The following SLC15A1 variants were observed in gnomAD, a reference collection of about 807,000 sequenced individuals.
SLC15A1 encodes solute carrier family 15 member 1.
SLC15A1 carries 83 observed loss-of-function variants against 92.9 expected under a neutral mutation model. That is an observed-to-expected ratio of 0.89 (90% confidence interval 0.75 to 1.07). SLC15A1 has a LOEUF of 1.07. Among genes scored for constraint, SLC15A1 ranks in the 50% least tolerant of loss-of-function variants. The pLI is 0.00. For missense variants in SLC15A1, 857 were observed against 880.1 expected (o/e 0.97, Z 0.33); for synonymous variants, 322 against 318.2 (o/e 1.01, Z -0.13).
intron 18 of SLC15A1, among the ~76,000 whole-genome samples, chr13:98,699,670 C>T (rs1302873995): frequency 6.6e-6 from 1 of 152,098 alleles, no homozygotes; most frequent in African/African-American, 2.4e-5. Context: ...TGAGTGTTTA[C>T]CTGTATAAGA....
intron 1 of SLC15A1, among the ~76,000 whole-genome samples, chr13:98,742,842 C>T (rs2088460084): frequency 6.6e-6 from 1 of 152,360 alleles, no homozygotes; most frequent in East Asian, 1.9e-4. Flanking sequence ...GTGGCACGAT[C>T]ATAGCTCACT....
intron 1 of SLC15A1, among the ~76,000 whole-genome samples, chr13:98,747,697 G>A (rs1295040836): frequency 2.0e-5 from 3 of 152,192 alleles, no homozygotes; most frequent in African/African-American, 4.8e-5. Flanking sequence ...CCTGGCCAAC[G>A]TGGTGAAACC....
intron 18 of SLC15A1, among the ~76,000 whole-genome samples, chr13:98,696,552 C>T (rs936496150): frequency 6.6e-5 from 10 of 152,292 alleles, no homozygotes; most frequent in African/African-American, 2.2e-4. Context: ...AGTAAAGCAA[C>T]GGAAACCACA....
chr13:98,710,050 A>G (rs1316014519), intron 11 of SLC15A1, 139 bp from the exon 12 acceptor site: 9 of 780,674 alleles, frequency 1.2e-5, no homozygotes, highest in Non-Finnish European at 1.9e-5. Flanking sequence ...CATCAAGTTA[A>G]TCTCCCAGCT....
intron 1 of SLC15A1, among the ~76,000 whole-genome samples, chr13:98,729,667 G>A (rs1336714300): frequency 6.6e-6 from 1 of 152,146 alleles, no homozygotes; most frequent in African/African-American, 2.4e-5. Context: ...TCCCTCTGGG[G>A]CCCTTCCTTG....
chr13:98,693,104 T>TTG (rs1566443570), intron 18 of SLC15A1, among the ~76,000 whole-genome samples: 2 of 139,722 alleles, frequency 1.4e-5, no homozygotes, highest in African/African-American at 5.6e-5. Context: ...TTTTTTTTTT[T>TTG]TTTTTTTTTT....
In SLC15A1 at chr13:98,687,606, G is replaced by A. The variant is rs140606428; in HGVS notation, c.1802C>T (p.Thr601Met). 5.3e-5 allele frequency: 85 copies of A among 1,614,092 alleles called. No homozygotes were observed. The highest frequency in any genetic ancestry group is 2.5e-4 in the African/African-American group (19 of 75,036). Residue 601 changes from threonine (T) to methionine (M), a missense_variant, in exon 21 of 23, where the codon ACG (threonine) becomes ATG (methionine). Thr to Met is a moderately conservative substitution (Grantham distance 81, BLOSUM62 -1). Transcript: ENST00000376503. ...LTCGEVVFSVTGLEFSYSQAP... is the reference protein window; with the variant it reads ...LTCGEVVFSVMGLEFSYSQAP... The stretch of plus-strand genomic sequence containing the variant: ...CTGAGAATATGAGAATTCCAATCCC[G>A]TGACAGAGAAGACCACTTCGCCACA...
intron 1 of SLC15A1, among the ~76,000 whole-genome samples, chr13:98,750,756 T>A (rs896101780): frequency 4.5e-5 from 6 of 133,162 alleles, no homozygotes; most frequent in African/African-American, 1.8e-4. Flanking sequence ...GATCTGTTCT[T>A]TTTTTTTTTT....
At chr13:98,700,440 A>G (rs1934064) in intron 18 of SLC15A1, among the ~76,000 whole-genome samples, 101,975 of 143,578 alleles carry the variant, frequency 0.71, 36,979 homozygotes, top group African/African-American at 0.87. Context: ...AGCTGTGACT[A>G]CACCACTGCA....
At chr13:98,746,048 G>A (rs2088490389) in intron 1 of SLC15A1, among the ~76,000 whole-genome samples, 1 of 151,944 alleles carries the variant, frequency 6.6e-6, no homozygotes, top group Non-Finnish European at 1.5e-5. Context: ...CCTCAAGTAG[G>A]CCCCAGTATG....
chr13:98,708,750 G>A lies in SLC15A1; in HGVS notation c.1085C>T (p.Ala362Val), dbSNP rs763676037. The A allele has an allele frequency of 3.7e-6, 6 of 1,611,426 alleles. No homozygotes were observed. The East Asian group carries it at 1.3e-4, about 36-fold the overall frequency. Residue 362 changes from alanine to valine, a missense_variant, in exon 15 of 23, where the codon GCA becomes GTA. Ala to Val is a moderately conservative substitution (Grantham distance 64). Coordinates refer to ENST00000376503, the MANE Select transcript of SLC15A1 (RefSeq NM_005073.4). ...CATGGAGGCCAGGACCATGCCAACT[G>A]CCATCTTCTTCAAGGAGCTGATGGC... Reference protein sequence around the residue: ...GFNFTSLKKMAVGMVLASMAF... With the variant: ...GFNFTSLKKMVVGMVLASMAF...
At position 98,684,660 on chromosome 13, in the gene SLC15A1, C is replaced by T. The variant is rs2087916113; in HGVS notation, c.*64G>A. ...AGGGGCCATCCAATGGAGTGTCCTG[C>T]TACCTGGGGGCAGAGGTCAGGGCAT... On this transcript the variant is annotated 3_prime_UTR_variant, in exon 23 of 23. Transcript: ENST00000376503. 1 of 1,389,094 alleles carries T rather than the reference C, an allele frequency of 7.2e-7. No individual in the cohort carries two copies. Among genetic ancestry groups the T allele is most frequent in the Non-Finnish European group, 1.0e-6 (1 of 988,098 alleles). 86.0% of individuals were successfully genotyped at this position (1,389,094 alleles called of 1,614,324 possible).
intron 16 of SLC15A1, among the ~76,000 whole-genome samples, chr13:98,705,492 C>T (rs1427639799): frequency 6.6e-6 from 1 of 152,174 alleles, no homozygotes; most frequent in African/African-American, 2.4e-5. Context: ...CCCCTAGCAT[C>T]AAAATCTCCC....
At chr13:98,724,489 G>A (rs1221930804) in intron 4 of SLC15A1, among the ~76,000 whole-genome samples, 1 of 152,156 alleles carries the variant, frequency 6.6e-6, no homozygotes, top group Non-Finnish European at 1.5e-5. Context: ...GAGTGACAGA[G>A]CGAGACCCTG....
chr13:98,696,338 C>CA (rs4646229), intron 18 of SLC15A1, among the ~76,000 whole-genome samples: 107,285 of 151,456 alleles, frequency 0.71, 38,873 homozygotes, highest in African/African-American at 0.85. Context: ...TGCTTGAACC[C>CA]GGGGGCGGAG....
At chr13:98,689,995 T>A (rs1329738140) in intron 18 of SLC15A1, among the ~76,000 whole-genome samples, 1 of 152,184 alleles carries the variant, frequency 6.6e-6, no homozygotes, top group Non-Finnish European at 1.5e-5. Context: ...ACAGACCCCT[T>A]TCATAGCTGT....
intron 1 of SLC15A1, among the ~76,000 whole-genome samples, chr13:98,729,751 T>C (rs2088332156): frequency 6.6e-6 from 1 of 152,294 alleles, no homozygotes; most frequent in African/African-American, 2.4e-5. Flanking sequence ...GCCACAACCC[T>C]GGCAGAGGAA....
intron 1 of SLC15A1, among the ~76,000 whole-genome samples, chr13:98,741,807 T>C (rs1794943875): frequency 6.7e-6 from 1 of 149,938 alleles, no homozygotes; most frequent in Non-Finnish European, 1.5e-5. Flanking sequence ...CTCTAATCCA[T>C]AAACAAACAG....
At chr13:98,707,801 G>A (rs1192103671) in intron 15 of SLC15A1, among the ~76,000 whole-genome samples, 2 of 150,974 alleles carry the variant, frequency 1.3e-5, no homozygotes, top group African/African-American at 4.9e-5. Context: ...AGGCTGAGGT[G>A]GGAGGATCGC....
Sources: allele counts gnomAD v4.1 joint callset (sites outside exome capture counted in the v4.1 genomes callset), GRCh38; gene constraint gnomAD v4.1.1; transcripts MANE v1.5; gene names NCBI Gene and HGNC (gene_info 2026-07-23, HGNC 2026-07-21).